The following RHOBTB2 variants were observed in gnomAD, a reference collection of about 807,000 sequenced individuals.
RHOBTB2 encodes the protein Rho related BTB domain containing 2.
RHOBTB2 carries 39 observed loss-of-function variants against 66.5 expected under a neutral mutation model. That is an observed-to-expected ratio of 0.59 (90% CI 0.45 to 0.77). The LOEUF (loss-of-function observed/expected upper bound fraction) is 0.77, where lower values mean the gene tolerates loss of function less well. Ranked by LOEUF, RHOBTB2 falls within the 30% of genes least tolerant of loss-of-function variation. The pLI, the probability that RHOBTB2 is intolerant of heterozygous loss-of-function variation, is 0.00. For missense variants in RHOBTB2, 755 were observed against 999.1 expected, an observed-to-expected ratio of 0.76 and a Z score of 3.29; for synonymous variants, 390 against 395.0, an observed-to-expected ratio of 0.99 and a Z score of 0.15.
In RHOBTB2 at chr8:23,004,357, G is replaced by A. The variant is rs1343447722; in HGVS notation, c.-10-68G>A. The A allele has an allele frequency of 1.5e-6, 2 of 1,356,860 alleles. No homozygotes were observed. The highest frequency in any genetic ancestry group is 2.9e-5 in the African/African-American group (2 of 69,688). The allele number at this position is 1,356,860 out of a possible 1,614,324, so 84.1% of individuals were successfully genotyped here. Reference sequence around the variant, plus strand: ...GCAGCCTGGCTGAGGAGAGCTGCGGGTGCTGGCCCTGGCCCACGGCGAGCT... The same window carrying A: ...GCAGCCTGGCTGAGGAGAGCTGCGGATGCTGGCCCTGGCCCACGGCGAGCT... On this transcript the variant is annotated intron_variant, in intron 1 of 9. Coordinates refer to ENST00000251822, the MANE Select transcript of RHOBTB2 (RefSeq NM_015178.3). This position sits in a 1 kb window ranked among gnomAD's most constrained non-coding sequence, Gnocchi z 6.4.
At chr8:23,010,798 G>A (rs1197981526) in intron 7 of RHOBTB2, 110 bp downstream of exon 7, 10 of 1,182,326 alleles carry the variant, frequency 8.5e-6, no homozygotes, top group Non-Finnish European at 1.1e-5. Context: ...ATGTCCAAGG[G>A]ACTAAGCGTA....
At chr8:22,967,226 G>A in the RHOBTB2 span, among the ~76,000 whole-genome samples, 2 of 152,188 alleles carry the variant, frequency 1.3e-5, no homozygotes, top group African/African-American at 4.8e-5. Context: ...ATATTATTCA[G>A]CCTTAAAAAG....
At chr8:22,951,344 C>T in the RHOBTB2 span, among the ~76,000 whole-genome samples, 2 of 149,204 alleles carry the variant, frequency 1.3e-5, no homozygotes, top group African/African-American at 5.0e-5. Flanking sequence ...CTTCTTCTCC[C>T]GGGTTCAAGC....
At chr8:22,994,097 T>G (rs1810486315) in intron 2 of RHOBTB2, among the ~76,000 whole-genome samples, 1 of 152,170 alleles carries the variant, frequency 6.6e-6, no homozygotes, top group African/African-American at 2.4e-5. Flanking sequence ...ATATAGACCT[T>G]CCATGCTGGG....
At chr8:22,989,176 C>G (rs28758429) in intron 1 of RHOBTB2, among the ~76,000 whole-genome samples, 23,377 of 152,110 alleles carry the variant, frequency 0.15, 1,967 homozygotes, top group African/African-American at 0.22. Context: ...GAGACTGAGT[C>G]TCTCTGTGTC....
chr8:22,979,932 A>AT, the RHOBTB2 span, among the ~76,000 whole-genome samples: 1 of 151,018 alleles, frequency 6.6e-6, no homozygotes, highest in Non-Finnish European at 1.5e-5. Context: ...TAATTTTTAT[A>AT]TTTTTTTAGT....
chr8:23,005,572 A>C, intron 3 of RHOBTB2, 97 bp downstream of exon 3: 1 of 872,464 alleles, frequency 1.1e-6, no homozygotes, highest in Admixed American at 2.0e-5. Flanking sequence ...TTCAGCTGGC[A>C]AGAAGAAGTG....
rs771273637 is a variant in RHOBTB2, at chr8:23,006,665, G to A, written c.483-63G>A. The A allele has an allele frequency of 4.8e-5, 72 of 1,495,314 alleles. No homozygotes were observed. Among genetic ancestry groups the A allele is most frequent in the Non-Finnish European group, 6.1e-5 (67 of 1,092,624 alleles). The allele number at this position is 1,495,314 out of a possible 1,614,324, so 92.6% of individuals were successfully genotyped here. A position where few individuals can be genotyped will look rare whatever the true frequency, so the allele number is the denominator to read the frequency against. On this transcript the variant is annotated intron_variant, in intron 4 of 9. Coordinates refer to ENST00000251822, the MANE Select transcript of RHOBTB2 (RefSeq NM_015178.3). The surrounding 1 kb of genome is among the most constrained non-coding windows in gnomAD (Gnocchi z 6.1). ...CCTGAGCAGAGTCCCTCCAGCCTGT[G>A]GAAGAACAGGCAGCCTCCCTCCACC...
At chr8:22,955,458 A>G in the RHOBTB2 span, among the ~76,000 whole-genome samples, 9 of 152,156 alleles carry the variant, frequency 5.9e-5, no homozygotes, top group African/African-American at 9.7e-5. Context: ...ACCAATGTAC[A>G]GACTTTAACA....
chr8:22,983,925 G>A (rs930263077), upstream of RHOBTB2, among the ~76,000 whole-genome samples: 2 of 152,090 alleles, frequency 1.3e-5, no homozygotes, highest in South Asian at 2.1e-4. Context: ...TAGTAGAGAC[G>A]GGGTTTCACC....
At chr8:22,983,523 CTGAGGT>C (rs1810245508), upstream of RHOBTB2, among the ~76,000 whole-genome samples, 1 of 151,144 alleles carries the variant, frequency 6.6e-6, no homozygotes, top group Non-Finnish European at 1.5e-5. Context: ...AAACGAAACT[CTGAGGT>C]TGACAGTTCA....
At chr8:22,986,464 G>A (rs1045270097), upstream of RHOBTB2, among the ~76,000 whole-genome samples, 1 of 151,552 alleles carries the variant, frequency 6.6e-6, no homozygotes, top group Non-Finnish European at 1.5e-5. Flanking sequence ...TTGCTGTGTT[G>A]CCCAGGCTGG....
At chr8:22,970,336 G>T in the RHOBTB2 span, among the ~76,000 whole-genome samples, 1 of 152,090 alleles carries the variant, frequency 6.6e-6, no homozygotes, top group Non-Finnish European at 1.5e-5. Flanking sequence ...TTCACCGGGG[G>T]GAGCCCTCAT....
the RHOBTB2 span, among the ~76,000 whole-genome samples, chr8:22,956,904 C>G: frequency 6.6e-6 from 1 of 152,178 alleles, no homozygotes; most frequent in African/African-American, 2.4e-5. Context: ...AGGTGATCCA[C>G]CCGCCTCGGC....
chr8:22,998,830 C>T (rs996561529), upstream of RHOBTB2: 5 of 151,340 alleles, frequency 3.3e-5, no homozygotes, highest in Non-Finnish European at 5.9e-5. Flanking sequence ...CTTAGAATCT[C>T]TCTATTTTAC....
chr8:22,961,355 GAGCTGTAACTGATCA>G, the RHOBTB2 span, among the ~76,000 whole-genome samples: 1 of 152,084 alleles, frequency 6.6e-6, no homozygotes, highest in African/African-American at 2.4e-5. Context: ...GGCAAACCTG[GAGCTGTAACTGATCA>G]AGCTGTTTCT....
Position 23,004,614 on chromosome 8 carries a change from T to C in RHOBTB2, c.180T>C (p.Arg60=), listed in dbSNP as rs776652573. ...CAGTATGGGCCATCGACCAATATCG[T>C]GTGTGCCAGGAGGTAAGGCTGCAGG... ...VPTVWAIDQY[R]VCQEVLERSR... The change falls in exon 2 of 10, where the codon CGT becomes CGC. Residue 60 remains arginine, a synonymous_variant. Transcript: ENST00000251822. The surrounding 1 kb of genome is among the most constrained non-coding windows in gnomAD (Gnocchi z 6.4). 1.0e-4 allele frequency: 167 copies of C among 1,613,132 alleles called. No homozygotes were observed. Among genetic ancestry groups the C allele is most frequent in the Non-Finnish European group, 1.3e-4 (159 of 1,179,808 alleles).
the RHOBTB2 span, among the ~76,000 whole-genome samples, chr8:22,955,546 T>C: frequency 1.3e-5 from 2 of 148,402 alleles, no homozygotes; most frequent in African/African-American, 2.5e-5. Flanking sequence ...CATCCATCCA[T>C]CAATTCATTC....
At chr8:23,016,958 C>T (rs557407424) in intron 9 of RHOBTB2, among the ~76,000 whole-genome samples, 5 of 152,354 alleles carry the variant, frequency 3.3e-5, no homozygotes, top group African/African-American at 7.2e-5. Context: ...TCGCTTACCC[C>T]TTCTCCCTTA....
Sources: allele counts gnomAD v4.1 joint callset (sites outside exome capture counted in the v4.1 genomes callset), GRCh38; gene constraint gnomAD v4.1.1; non-coding constraint Gnocchi (gnomAD v3.1); transcripts MANE v1.5; gene names NCBI Gene and HGNC (gene_info 2026-07-23, HGNC 2026-07-21).